Variants in METTL15 observed in about 807,000 individuals in gnomAD.
METTL15 encodes methyltransferase 15, mitochondrial 12S rRNA N4-cytidine, also known as 12S rRNA N(4)-cytidine methyltransferase METTL15.
Under a neutral mutation model 38.3 loss-of-function variants are expected in METTL15, and 34 were observed. That is an observed-to-expected ratio of 0.89 (90% CI 0.68 to 1.18). The LOEUF (loss-of-function observed/expected upper bound fraction) is 1.18. Among genes scored for constraint, METTL15 ranks in the 50% most tolerant of loss-of-function variants. METTL15 has a pLI of 0.00. For missense variants in METTL15, 438 were observed against 498.4 expected (o/e 0.88, Z 1.15); for synonymous variants, 162 against 170.9 (o/e 0.95, Z 0.41).
chr11:28,220,523 A>G (rs1298788121), intron 4 of METTL15, among the ~76,000 whole-genome samples: 1 of 152,170 alleles, frequency 6.6e-6, no homozygotes, highest in Non-Finnish European at 1.5e-5. Context: ...CCAATTTGCC[A>G]GTATGTGTCT....
intron 4 of METTL15, among the ~76,000 whole-genome samples, chr11:28,247,591 A>C (rs577682670): frequency 5.9e-4 from 90 of 152,268 alleles, no homozygotes; most frequent in African/African-American, 2.1e-3. Context: ...AGCTTTATGT[A>C]AGTTCAAAAC....
chr11:28,301,669 T>A (rs1452850772), intron 6 of METTL15, among the ~76,000 whole-genome samples: 1 of 152,136 alleles, frequency 6.6e-6, no homozygotes, highest in African/African-American at 2.4e-5. Flanking sequence ...GGTAATATTT[T>A]AGATATATTA....
At position 28,492,359 on chromosome 11, in the gene METTL15, T is replaced by C. The variant is rs11030351; in HGVS notation, c.*425-34119T>C. 6.2e-3 allele frequency among the ~76,000 whole-genome samples: 945 copies of C among 152,208 alleles called. 13 individuals carry two copies. The highest frequency in any genetic ancestry group is 0.022 in the African/African-American group (908 of 41,516). ...GTGGCAGGTGCTTCTTTTACTGCTG[T>C]TGAAATGTCCAAAGTTTCTATCTGC... On this transcript the variant is annotated intron_variant and NMD_transcript_variant, in intron 6 of 7. Coordinates refer to the METTL15 transcript ENST00000532947.
intron 3 of METTL15, among the ~76,000 whole-genome samples, chr11:28,135,016 A>G (rs1360562987): frequency 6.6e-6 from 1 of 152,144 alleles, no homozygotes; most frequent in Non-Finnish European, 1.5e-5. Flanking sequence ...TTTATCACCC[A>G]TCCCTTTTGT....
chr11:28,250,281 T>A (rs1854685830), intron 4 of METTL15, among the ~76,000 whole-genome samples: 1 of 152,092 alleles, frequency 6.6e-6, no homozygotes, highest in Non-Finnish European at 1.5e-5. Context: ...TGTTTTAAGT[T>A]CTTTAAGAAA....
intron 4 of METTL15, among the ~76,000 whole-genome samples, chr11:28,288,302 G>A (rs1035464876): frequency 2.0e-5 from 3 of 152,108 alleles, no homozygotes; most frequent in Non-Finnish European, 4.4e-5. Flanking sequence ...ACCCAGCAAT[G>A]CCACCACTGG....
intron 4 of METTL15, among the ~76,000 whole-genome samples, chr11:28,356,537 A>G (rs912852492): frequency 3.3e-5 from 5 of 152,234 alleles, no homozygotes; most frequent in African/African-American, 1.2e-4. Flanking sequence ...TCTCTGCAGG[A>G]AAGTTTCCAA....
intron 3 of METTL15, among the ~76,000 whole-genome samples, chr11:28,132,222 G>A (rs1849362289): frequency 6.6e-6 from 1 of 151,938 alleles, no homozygotes; most frequent in Admixed American, 6.6e-5. Context: ...CTCTTTTTTT[G>A]CCCTGTAAAG....
intron 6 of METTL15, among the ~76,000 whole-genome samples, chr11:28,324,502 C>G (rs934324380): frequency 6.6e-6 from 1 of 152,116 alleles, no homozygotes; most frequent in Admixed American, 6.6e-5. Context: ...AGGATGTTCT[C>G]AATCATTATC....
intron 3 of METTL15, among the ~76,000 whole-genome samples, chr11:28,197,770 AT>A (rs1851964012): frequency 1.3e-5 from 2 of 152,136 alleles, no homozygotes; most frequent in Non-Finnish European, 2.9e-5. Context: ...ACTTGTATGT[AT>A]TGATCTGCTT....
chr11:28,323,425 G>T (rs1472155325), intron 6 of METTL15, among the ~76,000 whole-genome samples: 1 of 152,076 alleles, frequency 6.6e-6, no homozygotes, highest in Non-Finnish European at 1.5e-5. Context: ...GGGGACTAGT[G>T]ACATGGTGCT....
At chr11:28,397,668 G>A (rs1211610260) in intron 5 of METTL15, among the ~76,000 whole-genome samples, 1 of 151,822 alleles carries the variant, frequency 6.6e-6, no homozygotes. Flanking sequence ...AACCATTGTG[G>A]AAGTCAGTGT....
chr11:28,297,154 C>G (rs539902366), intron 6 of METTL15, among the ~76,000 whole-genome samples: 5 of 151,900 alleles, frequency 3.3e-5, no homozygotes, highest in Admixed American at 1.3e-4. Flanking sequence ...AACCTCTCCC[C>G]CAAATACAAT....
intron 3 of METTL15, among the ~76,000 whole-genome samples, chr11:28,189,659 ACT>A (rs1851628982): frequency 6.6e-6 from 1 of 151,216 alleles, no homozygotes; most frequent in Admixed American, 6.6e-5. Flanking sequence ...GAAATTTACA[ACT>A]GGTGAATAGT....
intron 6 of METTL15, among the ~76,000 whole-genome samples, chr11:28,312,977 T>C (rs914253944): frequency 2.6e-5 from 4 of 152,208 alleles, no homozygotes; most frequent in East Asian, 3.9e-4. Flanking sequence ...TGTTTTTTTT[T>C]TTTCTTTCTT....
intron 6 of METTL15, among the ~76,000 whole-genome samples, chr11:28,315,280 G>A (rs750625063): frequency 6.6e-5 from 10 of 152,186 alleles, no homozygotes; most frequent in Non-Finnish European, 1.2e-4. Context: ...GTCTCAGTTG[G>A]AAATGAGGAA....
chr11:28,380,168 CTTT>C (rs34704753), intron 5 of METTL15, among the ~76,000 whole-genome samples: 2 of 124,050 alleles, frequency 1.6e-5, no homozygotes, highest in Admixed American at 9.0e-5. Flanking sequence ...CCACTTTATG[CTTT>C]TTTTTTTTTT....
intron 4 of METTL15, among the ~76,000 whole-genome samples, chr11:28,232,947 A>T (rs541420132): frequency 6.6e-6 from 1 of 152,196 alleles, no homozygotes; most frequent in Admixed American, 6.5e-5. Context: ...CATACACATC[A>T]TGAAGAAAGA....
intron 6 of METTL15, among the ~76,000 whole-genome samples, chr11:28,469,098 A>T (rs1851281182): frequency 6.6e-6 from 1 of 152,138 alleles, no homozygotes; most frequent in Non-Finnish European, 1.5e-5. Context: ...TTGTGTGTGT[A>T]TGTGTGATCT....
Sources: allele counts gnomAD v4.1 joint callset (sites outside exome capture counted in the v4.1 genomes callset), GRCh38; gene constraint gnomAD v4.1.1; transcripts MANE v1.5; gene names NCBI Gene and HGNC (gene_info 2026-07-23, HGNC 2026-07-21).